The following CUL9 variants were observed in gnomAD, a reference collection of about 807,000 sequenced individuals.
CUL9 encodes the protein cullin-9.
CUL9 carries 79 observed loss-of-function variants against 272.6 expected under a neutral mutation model. The observed-to-expected ratio is 0.29, with a 90% CI of 0.24 to 0.35. CUL9 has a LOEUF of 0.35. Ranked by LOEUF, CUL9 falls within the 10% of genes least tolerant of loss-of-function variation. The pLI is 1.00. For missense variants in CUL9, 2,532 were observed against 3,255.6 expected (o/e 0.78, Z 5.41); for synonymous variants, 1,186 against 1,286.5 (o/e 0.92, Z 1.67).
rs1562043578 is a variant in CUL9 at position 43,205,188 on chromosome 6, A to ACCTCCTTTCGCTCC, written c.4633-72_4633-59dup. The stretch of plus-strand genomic sequence containing the variant: ...TCATCTCTTTCTGCTCTGCCCTTTC[A>ACCTCCTTTCGCTCC]CCTCCTTTCGCTCCCCAGTCTCCTA... On this transcript the variant is annotated intron_variant, in intron 23 of 40. Coordinates refer to ENST00000252050, the MANE Select transcript of CUL9 (RefSeq NM_015089.4). 22 of 1,585,304 alleles carry ACCTCCTTTCGCTCC rather than the reference A, an allele frequency of 1.4e-5. No individual in the cohort carries two copies. The East Asian group carries it at 4.3e-4, about 31-fold the overall frequency.
In CUL9 at chr6:43,213,184, C is replaced by T. The variant is rs755020493; in HGVS notation, c.5248C>T (p.Arg1750Trp). ...NHPVLDMGPH[R>W]RLQWTWLGRA... ...TCCAGTCCTGGACATGGGACCACAT[C>T]GGCGACTGCAGTGGACGTGGCTGGG... The change falls in exon 27 of 41, where the codon CGG becomes TGG. Residue 1750 changes from arginine (R) to tryptophan (W), a missense_variant. Arg to Trp is a moderately radical substitution (Grantham distance 101). Coordinates refer to ENST00000252050, the MANE Select transcript of CUL9 (RefSeq NM_015089.4). The surrounding 1 kb of genome is among the most constrained non-coding windows in gnomAD (Gnocchi z 5.7). 11 of 1,614,070 alleles carry T rather than the reference C, an allele frequency of 6.8e-6. No individual in the cohort carries two copies. Among genetic ancestry groups the T allele is most frequent in the African/African-American group, 4.0e-5 (3 of 74,922 alleles).
rs1342785849 is a variant in CUL9, at chr6:43,203,336, G to A, written c.3850-81G>A. The A allele has an allele frequency of 3.1e-6, 5 of 1,600,130 alleles. No individual in the cohort carries two copies. Among genetic ancestry groups the A allele is most frequent in the Non-Finnish European group, 3.4e-6 (4 of 1,169,874 alleles). ...GGGATGTCCTGAGCAGTTCTAGGGA[G>A]CTCAGGGCAGGAGGCTTGGCTTTGG... On this transcript the variant is annotated intron_variant, in intron 18 of 40. Transcript: ENST00000252050. This position sits in a 1 kb window ranked among gnomAD's most constrained non-coding sequence, Gnocchi z 5.0.
intron 9 of CUL9, among the ~76,000 whole-genome samples, chr6:43,195,854 T>C (rs1773947290): frequency 6.6e-6 from 1 of 152,050 alleles, no homozygotes; most frequent in Admixed American, 6.6e-5. Flanking sequence ...TTGTTGTTGT[T>C]TAGTTTCTTT....
chr6:43,196,402 CTGT>C, intron 10 of CUL9, 137 bp downstream of exon 10: 2 of 940,206 alleles, frequency 2.1e-6, no homozygotes, highest in Non-Finnish European at 3.1e-6. Flanking sequence ...GCGCTGCCAA[CTGT>C]TGTTGGAGGA....
In CUL9 at chr6:43,185,866, A is replaced by G. The variant is rs1050469149; in HGVS notation, c.751-89A>G. ...CTACAGGCCTGGGGAGAAGGCCTTTATATTTTTCTGTAGAGGAGGATACTT... is the reference window on the plus strand; with the variant it reads ...CTACAGGCCTGGGGAGAAGGCCTTTGTATTTTTCTGTAGAGGAGGATACTT... On this transcript the variant is annotated intron_variant, in intron 3 of 40. Transcript: ENST00000252050. The G allele has an allele frequency of 4.4e-5, 66 of 1,494,800 alleles. No individual in the cohort carries two copies. In the African/African-American group the frequency reaches 8.7e-4, roughly 20 times the overall value. 92.6% of individuals were successfully genotyped at this position (1,494,800 alleles called of 1,614,324 possible).
intron 29 of CUL9, among the ~76,000 whole-genome samples, 197 bp downstream of exon 29, chr6:43,214,109 A>G (rs764217591): frequency 9.2e-5 from 14 of 152,228 alleles, no homozygotes; most frequent in Non-Finnish European, 1.9e-4. Flanking sequence ...CCCTATGCTA[A>G]GAGTTTGCAT....
At chr6:43,196,460 AGAC>A in intron 10 of CUL9, 182 bp from the exon 11 acceptor site, 1 of 765,806 alleles carries the variant, frequency 1.3e-6, no homozygotes, top group Non-Finnish European at 2.1e-6. Flanking sequence ...GAGAGGGCAG[AGAC>A]ACACTGACTT....
Position 43,197,652 on chromosome 6 carries a change from T to C in CUL9, c.2803+790T>C, listed in dbSNP as rs567555386. Among the ~76,000 whole-genome samples, 4 of 152,014 alleles carry C rather than the reference T, an allele frequency of 2.6e-5. No homozygotes were observed. In the South Asian group the frequency reaches 8.3e-4, roughly 32 times the overall value. On this transcript the variant is annotated intron_variant, in intron 11 of 40. Transcript: ENST00000252050. ...GTGCGCACCACCACACCCAGCTAATTTTTGTATATTTAGTAGAGACAGGGT... is the reference window on the plus strand; with the variant it reads ...GTGCGCACCACCACACCCAGCTAATCTTTGTATATTTAGTAGAGACAGGGT...
chr6:43,213,584 CG>C lies in CUL9; in HGVS notation c.5488+20del, dbSNP rs1470638707. On this transcript the variant is annotated intron_variant, in intron 28 of 40. Transcript: ENST00000252050. The surrounding 1 kb of genome is among the most constrained non-coding windows in gnomAD (Gnocchi z 5.7). ...CACACGGGGGTAGGTCATTGGGGGC[CG>C]GGCTGAGCCTCTGCTGCTGGTCGGG... is the stretch of plus-strand genomic sequence containing the variant. 8.1e-6 allele frequency: 13 copies of C among 1,607,966 alleles called. No individual in the cohort carries two copies. The highest frequency in any genetic ancestry group is 1.1e-5 in the Non-Finnish European group (13 of 1,176,624).
intron 1 of CUL9, among the ~76,000 whole-genome samples, chr6:43,182,959 GATT>G (rs1772551416): frequency 6.6e-6 from 1 of 152,094 alleles, no homozygotes; most frequent in Non-Finnish European, 1.5e-5. Flanking sequence ...AATAATAACA[GATT>G]ATGTTTACTG....
chr6:43,199,705 A>G lies in CUL9; in HGVS notation c.3157-224A>G, dbSNP rs949670328. 6.6e-6 allele frequency among the ~76,000 whole-genome samples: 1 copy of G among 152,172 alleles called. No homozygotes were observed. Among genetic ancestry groups the G allele is most frequent in the Non-Finnish European group, 1.5e-5 (1 of 68,024 alleles). ...TTAACATAGCTTGGCCTGGGCAGGA[A>G]GCAGCCTGGAAAGCTGTGCCCAAGC... is the stretch of plus-strand genomic sequence containing the variant. On this transcript the variant is annotated intron_variant, in intron 13 of 40. Transcript: ENST00000252050. This position sits in a 1 kb window ranked among gnomAD's most constrained non-coding sequence, Gnocchi z 4.4.
At position 43,204,004 on chromosome 6, in the gene CUL9, C is replaced by T; in HGVS notation, c.4159+17C>T. 1.3e-6 allele frequency: 2 copies of T among 1,582,170 alleles called. No homozygotes were observed. Among genetic ancestry groups the T allele is most frequent in the Non-Finnish European group, 1.7e-6 (2 of 1,160,662 alleles). On this transcript the variant is annotated intron_variant, in intron 20 of 40. Transcript: ENST00000252050. ...CCTCTCCCGGTAACCATGCTGACAC[C>T]TGGCCCCACTAACCAGTTCCTTGTC...
At chr6:43,201,631 C>G (rs1009258602) in intron 16 of CUL9, among the ~76,000 whole-genome samples, 3 of 152,202 alleles carry the variant, frequency 2.0e-5, no homozygotes, top group Admixed American at 2.0e-4. Flanking sequence ...AGGCGCCTGC[C>G]ACCACGCCTG....
rs1773082013 is a variant in CUL9 at position 43,187,985 on chromosome 6, C to G, written c.1854C>G (p.Ala618=). The change falls in exon 7 of 41, where the codon GCC becomes GCG. Residue 618 remains alanine (A), a synonymous_variant. Coordinates refer to ENST00000252050, the MANE Select transcript of CUL9 (RefSeq NM_015089.4). ...AGTCCCTCAAAGCAAAGGCCGAGGC[C>G]CCTAAGACAGAGGCCGAGCCCACCA... is the stretch of plus-strand genomic sequence containing the variant. The part of the protein sequence containing the change: ...ETESLKAKAE[A]PKTEAEPTKT... The G allele has an allele frequency of 6.2e-7, 1 of 1,613,966 alleles. No homozygotes were observed. Among genetic ancestry groups the G allele is most frequent in the African/African-American group, 1.3e-5 (1 of 75,002 alleles).
At chr6:43,222,256 TA>T in intron 35 of CUL9, 59 bp from the exon 36 acceptor site, 1 of 1,410,950 alleles carries the variant, frequency 7.1e-7, no homozygotes, top group Non-Finnish European at 1.0e-6. Context: ...CTTTTCCACT[TA>T]TTAACTCCCT....
rs1774314486 is a variant in CUL9 at position 43,199,256 on chromosome 6, C to G, written c.3051-10C>G. The stretch of plus-strand genomic sequence containing the variant: ...TGGCCTGACTTCACTCGTTTCTACC[C>G]CCTCACCAGGGTCATAACCCGACTG... On this transcript the variant is annotated splice_polypyrimidine_tract_variant and intron_variant, in intron 12 of 40. Transcript: ENST00000252050. This position sits in a 1 kb window ranked among gnomAD's most constrained non-coding sequence, Gnocchi z 4.4. 6.2e-7 allele frequency: 1 copy of G among 1,608,564 alleles called. No homozygotes were observed. Among genetic ancestry groups the G allele is most frequent in the East Asian group, 2.2e-5 (1 of 44,744 alleles).
At chr6:43,189,988 A>G (rs1212593941) in intron 8 of CUL9, among the ~76,000 whole-genome samples, 1 of 150,824 alleles carries the variant, frequency 6.6e-6, no homozygotes. Flanking sequence ...GTTTTAGTCT[A>G]TGTAATCACA....
At chr6:43,198,391 T>C (rs1774199046) in intron 11 of CUL9, 3 of 983,598 alleles carry the variant, frequency 3.1e-6, no homozygotes, top group Non-Finnish European at 3.6e-6. Context: ...TGTGTTTAAC[T>C]CGACAGTGTT....
Position 43,224,215 on chromosome 6 carries a change from GCCT to G in CUL9, c.7359-30_7359-28del, listed in dbSNP as rs1776624115. ...ATGGAGGAGGCAGTGGGACATGGCAGCCTCCTCTGGGCTGAGTGTGGTGGCTCT... is the reference window on the plus strand; with the variant it reads ...ATGGAGGAGGCAGTGGGACATGGCAGCCTCTGGGCTGAGTGTGGTGGCTCT... On this transcript the variant is annotated intron_variant, in intron 40 of 40. Transcript: ENST00000252050. This position sits in a 1 kb window ranked among gnomAD's most constrained non-coding sequence, Gnocchi z 4.2. The G allele has an allele frequency of 4.3e-6, 7 of 1,614,180 alleles. No individual in the cohort carries two copies. The East Asian group carries it at 1.6e-4, about 36-fold the overall frequency.
Sources: allele counts gnomAD v4.1 joint callset (sites outside exome capture counted in the v4.1 genomes callset), GRCh38; gene constraint gnomAD v4.1.1; non-coding constraint Gnocchi (gnomAD v3.1); transcripts MANE v1.5; gene names NCBI Gene and HGNC (gene_info 2026-07-23, HGNC 2026-07-21).